ACACB: variants seen among roughly 807,000 people sequenced by gnomAD.
ACACB encodes the protein acetyl-CoA carboxylase beta.
A neutral mutation model predicts 278.8 loss-of-function variants in ACACB; 209 were observed. That is an observed-to-expected ratio of 0.75 (90% CI 0.67 to 0.84). The LOEUF is 0.84. Ranked by LOEUF, ACACB falls within the 40% of genes least tolerant of loss-of-function variation. ACACB has a pLI of 0.00. For synonymous variants in ACACB, 1,174 were observed against 1,285.6 expected, an observed-to-expected ratio of 0.91 and a Z score of 1.86; for missense variants, 2,850 against 3,269.0, an observed-to-expected ratio of 0.87 and a Z score of 3.13.
In ACACB at chr12:109,262,354, A is replaced by G; in HGVS notation, c.6675-3A>G. ...CCCCCATCCCTGCCTCTTCTCTTTT[A>G]AGGGGTGGTGTTCTGGAACCAGAGG... On this transcript the variant is annotated splice_polypyrimidine_tract_variant and splice_region_variant and intron_variant, in intron 48 of 52. Coordinates refer to ENST00000338432, the MANE Select transcript of ACACB (RefSeq NM_001093.4). The G allele has an allele frequency of 6.2e-7, 1 of 1,610,954 alleles. No homozygotes were observed. The highest frequency in any genetic ancestry group is 8.5e-7 in the Non-Finnish European group (1 of 1,177,850).
chr12:109,222,150 C>A (rs1846347738), intron 24 of ACACB, among the ~76,000 whole-genome samples: 1 of 152,088 alleles, frequency 6.6e-6, no homozygotes, highest in African/African-American at 2.4e-5. Context: ...GCCTCAGCCA[C>A]CCAAAGTGCT....
chr12:109,164,452 A>C (rs1247511150), intron 2 of ACACB, among the ~76,000 whole-genome samples: 1 of 152,008 alleles, frequency 6.6e-6, no homozygotes, highest in Non-Finnish European at 1.5e-5. Context: ...GGCTGGTCTC[A>C]AACTCCTGAC....
intron 10 of ACACB, 25 bp from the exon 11 acceptor site, chr12:109,179,892 T>G: frequency 1.3e-6 from 2 of 1,592,796 alleles, no homozygotes; most frequent in Non-Finnish European, 1.7e-6. Flanking sequence ...TGGAACCCCC[T>G]TGGCCTCTTT....
chr12:109,124,983 G>C (rs372039724), intron 1 of ACACB, among the ~76,000 whole-genome samples: 4 of 152,250 alleles, frequency 2.6e-5, no homozygotes, highest in Admixed American at 1.3e-4. Flanking sequence ...CAAAGAGCTG[G>C]CATTACAGGC....
At chr12:109,183,443 C>T (rs1232729178) in intron 11 of ACACB, among the ~76,000 whole-genome samples, 1 of 152,038 alleles carries the variant, frequency 6.6e-6, no homozygotes, top group African/African-American at 2.4e-5. Flanking sequence ...TTTTGTGTGT[C>T]CTCTTCAATT....
intron 2 of ACACB, among the ~76,000 whole-genome samples, chr12:109,148,715 T>C (rs1179092084): frequency 1.3e-5 from 2 of 152,166 alleles, no homozygotes; most frequent in Non-Finnish European, 2.9e-5. Flanking sequence ...TTATGGACTA[T>C]ATATAACATG....
chr12:109,222,872 T>C lies in ACACB; in HGVS notation c.3752T>C (p.Ile1251Thr). 5 of 1,613,734 alleles carry C rather than the reference T, an allele frequency of 3.1e-6. No homozygotes were observed. Among genetic ancestry groups the C allele is most frequent in the Non-Finnish European group, 4.2e-6 (5 of 1,179,864 alleles). ...NQVESIFLSA[I>T]DMYGHQFCPE... ...GTGGAGTCCATTTTCCTGTCTGCCATTGACATGTACGGCCACCAGTTCTGC... is the reference window on the plus strand; with the variant it reads ...GTGGAGTCCATTTTCCTGTCTGCCACTGACATGTACGGCCACCAGTTCTGC... Residue 1251 changes from isoleucine to threonine, a missense_variant, in exon 26 of 53, where the codon ATT becomes ACT. Around this residue, in one of 3 missense-constraint regions of ACACB, gnomAD observed 2,265 missense variants for 2,561.3 expected, o/e 0.88. Coordinates refer to ENST00000338432, the MANE Select transcript of ACACB (RefSeq NM_001093.4).
intron 1 of ACACB, among the ~76,000 whole-genome samples, chr12:109,133,849 ATATATATATATATATTTT>A (rs1260987207): frequency 1.8e-4 from 8 of 43,980 alleles, no homozygotes; most frequent in Admixed American, 4.9e-4. Context: ...ATATATATAT[ATATATATATATATATTTT>A]TTTTTTTTTT....
chr12:109,169,434 T>C (rs2044033187), intron 4 of ACACB, among the ~76,000 whole-genome samples: 1 of 152,032 alleles, frequency 6.6e-6, no homozygotes, highest in African/African-American at 2.4e-5. Context: ...CTGGTCTGGG[T>C]TCAGAGCATC....
intron 1 of ACACB, among the ~76,000 whole-genome samples, chr12:109,133,864 T>TATATG (rs1555202940): frequency 8.3e-5 from 2 of 24,236 alleles, no homozygotes; most frequent in African/African-American, 4.2e-4. Flanking sequence ...TATATATATA[T>TATATG]TTTTTTTTTT....
At chr12:109,249,258 A>T (rs1369048412) in intron 40 of ACACB, 7 of 152,196 alleles carry the variant, frequency 4.6e-5, no homozygotes, top group African/African-American at 1.7e-4. Context: ...AGGCAGGGGA[A>T]GTCAGTTATG....
In ACACB at chr12:109,256,127, C is replaced by A; in HGVS notation, c.6167-13C>A. 6.2e-7 allele frequency: 1 copy of A among 1,611,522 alleles called. No individual in the cohort carries two copies. Among genetic ancestry groups the A allele is most frequent in the Non-Finnish European group, 8.5e-7 (1 of 1,178,056 alleles). On this transcript the variant is annotated splice_polypyrimidine_tract_variant and intron_variant, in intron 44 of 52. Coordinates refer to ENST00000338432, the MANE Select transcript of ACACB (RefSeq NM_001093.4). ...TGGCCCTCCAGCCTGGGCTTCTGCC[C>A]TTCTGTCCACAGCTCTGAAGGGAAC...
chr12:109,161,225 A>G (rs544240679), intron 2 of ACACB, among the ~76,000 whole-genome samples: 1 of 152,296 alleles, frequency 6.6e-6, no homozygotes, highest in African/African-American at 2.4e-5. Context: ...GGATCTTAAC[A>G]TGATTGGTTG....
At chr12:109,220,473 T>C (rs1004619202) in intron 24 of ACACB, among the ~76,000 whole-genome samples, 1 of 152,182 alleles carries the variant, frequency 6.6e-6, no homozygotes, top group Non-Finnish European at 1.5e-5. Context: ...AAAACATGAT[T>C]CTGAGAACTA....
chr12:109,258,087 A>G (rs1304201529), intron 45 of ACACB, among the ~76,000 whole-genome samples, 181 bp from the exon 46 acceptor site: 1 of 152,234 alleles, frequency 6.6e-6, no homozygotes, highest in Non-Finnish European at 1.5e-5. Flanking sequence ...AAGGGCACCA[A>G]TAGGTCTGCT....
At chr12:109,253,300 A>C in intron 43 of ACACB, 142 bp downstream of exon 43, 3 of 909,486 alleles carry the variant, frequency 3.3e-6, no homozygotes, top group African/African-American at 1.7e-5. Context: ...GATTTTTCTT[A>C]CTCCTTCTTC....
At chr12:109,176,413 G>A (rs552319153) in intron 9 of ACACB, 150 bp downstream of exon 9, 16 of 718,822 alleles carry the variant, frequency 2.2e-5, no homozygotes, top group South Asian at 5.4e-5. Flanking sequence ...CAACAAACGC[G>A]TACATTTTTA....
intron 28 of ACACB, among the ~76,000 whole-genome samples, chr12:109,227,801 G>A (rs1177637396): frequency 6.6e-6 from 1 of 152,248 alleles, no homozygotes; most frequent in East Asian, 1.9e-4. Flanking sequence ...GGGGGGCCGA[G>A]GCGGGCAGAT....
rs1201031189 is a variant in ACACB, at chr12:109,258,373, G to A, written c.6360+9G>A. 1.7e-5 allele frequency: 27 copies of A among 1,607,520 alleles called. No individual in the cohort carries two copies. Among genetic ancestry groups the A allele is most frequent in the Non-Finnish European group, 2.2e-5 (26 of 1,177,698 alleles). On this transcript the variant is annotated intron_variant, in intron 46 of 52. Coordinates refer to ENST00000338432, the MANE Select transcript of ACACB (RefSeq NM_001093.4). ...TGGATTCTGAGGCCAAGGTGAGGGG[G>A]CCGGGAGCTGTGGCTGCTGGTTTAG... is the stretch of plus-strand genomic sequence containing the variant.
Sources: gnomAD v4.1 joint callset for allele counts (sites outside exome capture counted in the v4.1 genomes callset) on GRCh38, gnomAD v4.1.1 for gene constraint, gnomAD v4.1.1 regional missense constraint, MANE v1.5 for transcripts, NCBI Gene and HGNC (gene_info 2026-07-23, HGNC 2026-07-21) for gene names.